TRDN: variants seen among roughly 807,000 people sequenced by gnomAD.
The protein encoded by TRDN is triadin in skeletal muscle.
Under a neutral mutation model 149.7 loss-of-function variants are expected in TRDN, and 161 were observed. The ratio of observed to expected loss-of-function variants is 1.08; its 90% CI spans 0.95 to 1.23. TRDN has a LOEUF of 1.23. Ranked by LOEUF, TRDN falls within the 50% of genes most tolerant of loss-of-function variation. TRDN has a pLI of 0.00. For synonymous variants in TRDN, 294 were observed against 250.5 expected, an observed-to-expected ratio of 1.17 and a Z score of -1.64; for missense variants, 896 against 823.5, an observed-to-expected ratio of 1.09 and a Z score of -1.08.
At chr6:123,585,262 G>T (rs367695120) in intron 1 of TRDN, among the ~76,000 whole-genome samples, 3 of 151,520 alleles carry the variant, frequency 2.0e-5, no homozygotes, top group Non-Finnish European at 2.9e-5. Flanking sequence ...AAAGTGTCTC[G>T]GCCTAATAGG....
chr6:123,402,843 T>C (rs1000353286), intron 12 of TRDN, among the ~76,000 whole-genome samples: 30 of 152,158 alleles, frequency 2.0e-4, no homozygotes, highest in Non-Finnish European at 2.2e-4. Context: ...TTGTTTGACA[T>C]ATACAGAGAA....
At chr6:123,356,668 T>A (rs1313818806) in intron 20 of TRDN, among the ~76,000 whole-genome samples, 2 of 149,838 alleles carry the variant, frequency 1.3e-5, no homozygotes, top group Non-Finnish European at 3.0e-5. Context: ...AATTTTTTCT[T>A]AAATGTTTGA....
intron 2 of TRDN, among the ~76,000 whole-genome samples, chr6:123,565,863 G>T (rs1409630465): frequency 1.3e-5 from 2 of 152,198 alleles, no homozygotes; most frequent in Non-Finnish European, 2.9e-5. Flanking sequence ...GTAATTTGTG[G>T]TGGTGAGAGA....
chr6:123,384,558 A>G (rs1196740152), intron 14 of TRDN, among the ~76,000 whole-genome samples: 2 of 152,232 alleles, frequency 1.3e-5, no homozygotes, highest in Non-Finnish European at 2.9e-5. Flanking sequence ...CTGGAATGGA[A>G]TATGTACAGA....
At chr6:123,511,412 T>C (rs1583168574) in intron 7 of TRDN, among the ~76,000 whole-genome samples, 1 of 152,132 alleles carries the variant, frequency 6.6e-6, no homozygotes, top group East Asian at 1.9e-4. Flanking sequence ...TCATTATATA[T>C]TATATGCTTG....
At chr6:123,263,437 T>C (rs1776839821) in intron 33 of TRDN, among the ~76,000 whole-genome samples, 1 of 152,040 alleles carries the variant, frequency 6.6e-6, no homozygotes, top group Admixed American at 6.6e-5. Context: ...CAAATGCCGA[T>C]ACAGAAGCTG....
intron 9 of TRDN, among the ~76,000 whole-genome samples, chr6:123,486,304 C>T (rs1023981972): frequency 2.7e-5 from 4 of 149,954 alleles, no homozygotes; most frequent in East Asian, 3.9e-4. Flanking sequence ...ATAGGCTTAT[C>T]GGGTATTTTC....
At chr6:123,577,991 TC>T (rs1273831990) in intron 1 of TRDN, among the ~76,000 whole-genome samples, 1 of 152,106 alleles carries the variant, frequency 6.6e-6, no homozygotes, top group Admixed American at 6.6e-5. Flanking sequence ...TTGTTTGTTG[TC>T]CTCTTGTAAA....
chr6:123,633,636 T>G (rs1786131135), intron 1 of TRDN, among the ~76,000 whole-genome samples: 1 of 152,108 alleles, frequency 6.6e-6, no homozygotes, highest in Non-Finnish European at 1.5e-5. Flanking sequence ...TATTAATTTA[T>G]TTTGCCAGAA....
intron 21 of TRDN, among the ~76,000 whole-genome samples, chr6:123,347,654 A>C (rs752350411): frequency 5.3e-5 from 8 of 152,036 alleles, no homozygotes; most frequent in Non-Finnish European, 1.2e-4. Flanking sequence ...TTGTACTTGC[A>C]ATCAGAAGAC....
chr6:123,627,891 C>T (rs1785761191), intron 1 of TRDN, among the ~76,000 whole-genome samples: 1 of 152,110 alleles, frequency 6.6e-6, no homozygotes. Flanking sequence ...TGCTAGCTTC[C>T]AACTTTTCTT....
intron 4 of TRDN, among the ~76,000 whole-genome samples, chr6:123,535,903 C>T (rs955526782): frequency 1.3e-5 from 2 of 151,766 alleles, no homozygotes; most frequent in African/African-American, 4.8e-5. Context: ...ATAGATAAAA[C>T]TATTAAAAGA....
chr6:123,285,541 A>G (rs1777772786), intron 24 of TRDN, among the ~76,000 whole-genome samples: 1 of 152,152 alleles, frequency 6.6e-6, no homozygotes, highest in Non-Finnish European at 1.5e-5. Context: ...TCAACTCAAG[A>G]TGCATCAAGG....
intron 2 of TRDN, among the ~76,000 whole-genome samples, chr6:123,563,973 C>T (rs1009092269): frequency 6.6e-6 from 1 of 152,074 alleles, no homozygotes; most frequent in Non-Finnish European, 1.5e-5. Flanking sequence ...TCCGGTTTTA[C>T]CACAATTTCA....
In TRDN at chr6:123,615,518, C is replaced by T. The variant is rs116789575; in HGVS notation, c.22+21236G>A. On this transcript the variant is annotated intron_variant, in intron 1 of 40. Transcript: ENST00000334268. ...TGTGTATATATATAATGCCCATTCA[C>T]GTTTGAAAAACATGTATATACACAC... Among the ~76,000 whole-genome samples the T allele has an allele frequency of 7.5e-3, 1,124 of 149,518 alleles. 13 individuals are homozygous for T. Among genetic ancestry groups the T allele is most frequent in the African/African-American group, 0.026 (1,025 of 39,408 alleles).
chr6:123,465,271 C>G (rs1403370787), intron 9 of TRDN, among the ~76,000 whole-genome samples: 1 of 151,886 alleles, frequency 6.6e-6, no homozygotes, highest in Non-Finnish European at 1.5e-5. Context: ...TGTACATGTA[C>G]TCAAATTAAG....
intron 12 of TRDN, among the ~76,000 whole-genome samples, chr6:123,435,532 C>A (rs1184967344): frequency 6.6e-6 from 1 of 151,400 alleles, no homozygotes; most frequent in Non-Finnish European, 1.5e-5. Context: ...CACAGACACA[C>A]ACAAACACAA....
intron 2 of TRDN, among the ~76,000 whole-genome samples, chr6:123,569,679 G>A (rs1011832298): frequency 2.6e-5 from 4 of 152,136 alleles, no homozygotes; most frequent in African/African-American, 9.7e-5. Context: ...GGAGAGAGGA[G>A]CAGGCATGTC....
At chr6:123,584,658 C>T (rs1041594766) in intron 1 of TRDN, among the ~76,000 whole-genome samples, 1 of 152,098 alleles carries the variant, frequency 6.6e-6, no homozygotes, top group African/African-American at 2.4e-5. Flanking sequence ...GTCTGTGAAG[C>T]CTTGCGGCAG....
Sources: gnomAD v4.1 joint callset for allele counts (sites outside exome capture counted in the v4.1 genomes callset) on GRCh38, gnomAD v4.1.1 for gene constraint, MANE v1.5 for transcripts, NCBI Gene and HGNC (gene_info 2026-07-23, HGNC 2026-07-21) for gene names.